Variants in OBSL1 observed in about 807,000 individuals in gnomAD.
The protein encoded by OBSL1 is obscurin-like protein 1.
A neutral mutation model predicts 172.0 loss-of-function variants in OBSL1; 160 were observed. The observed-to-expected ratio is 0.93, with a 90% CI of 0.82 to 1.06. The LOEUF (loss-of-function observed/expected upper bound fraction) is 1.06. Among genes scored for constraint, OBSL1 ranks in the 50% least tolerant of loss-of-function variants. The pLI, the probability that OBSL1 is intolerant of heterozygous loss-of-function variation, is 0.00. For missense variants in OBSL1, 2,681 were observed against 2,715.4 expected (o/e 0.99, Z 0.28); for synonymous variants, 1,200 against 1,196.3 (o/e 1.00, Z -0.06).
intron 5 of OBSL1, among the ~76,000 whole-genome samples, chr2:219,566,096 G>A (rs1226104626): frequency 6.6e-6 from 1 of 152,180 alleles, no homozygotes; most frequent in African/African-American, 2.4e-5. Flanking sequence ...CATTAGCTCC[G>A]TACTTTGAGC....
At chr2:219,551,470 A>G in intron 20 of OBSL1, 59 bp downstream of exon 20, 1 of 1,510,896 alleles carries the variant, frequency 6.6e-7, no homozygotes, top group Non-Finnish European at 8.9e-7. Flanking sequence ...GGTGTGGCTT[A>G]ACCCATCAGC....
Position 219,552,870 on chromosome 2 carries a change from C to T in OBSL1, c.5144G>A (p.Arg1715His), listed in dbSNP as rs977533164. 2 of 1,542,924 alleles carry T rather than the reference C, an allele frequency of 1.3e-6. No homozygotes were observed. The highest frequency in any genetic ancestry group is 1.7e-6 in the Non-Finnish European group (2 of 1,145,360). ...CCTCCACATCACCCCGTACCCACCG[C>T]GCACGGTCAGGCGGACCGGTCCGGC... The part of the protein sequence containing the change: ...ARAGPVRLTV[R>H]ERTVAVLSEL... The change falls in exon 17 of 21, where the codon CGC (arginine) becomes CAC (histidine). Residue 1715 changes from arginine to histidine, a missense_variant and splice_region_variant. Arg to His is a conservative substitution (Grantham distance 29). Around this residue, in one of 5 missense-constraint regions of OBSL1, gnomAD observed 1,765 missense variants for 1,748.3 expected, o/e 1.01. Transcript: ENST00000404537.
At chr2:219,565,568 T>C in intron 5 of OBSL1, 54 bp from the exon 6 acceptor site, 2 of 1,555,500 alleles carry the variant, frequency 1.3e-6, no homozygotes, top group East Asian at 2.3e-5. Context: ...ATGGGCTCAG[T>C]GTCGGATGCA....
chr2:219,558,056 G>T lies in OBSL1; in HGVS notation c.3557C>A (p.Ala1186Asp), dbSNP rs764786051. The stretch of plus-strand genomic sequence containing the variant: ...GCTCAGCACCACTGGCTCCCCAGGG[G>T]CCACACAGAGCGGGCTTGGAGTTGT... The part of the protein sequence containing the change: ...LETTPSPLCV[A>D]PGEPVVLSCE... Residue 1186 changes from alanine to aspartate, a missense_variant, in exon 11 of 21, where the codon GCC becomes GAC. Physicochemically the swap from Ala to Asp is moderately radical, Grantham distance 126 (BLOSUM62 -2). Around this residue, in one of 5 missense-constraint regions of OBSL1, gnomAD observed 1,765 missense variants for 1,748.3 expected, o/e 1.01. Coordinates refer to ENST00000404537, the MANE Select transcript of OBSL1 (RefSeq NM_015311.3). 1 of 1,613,668 alleles carries T rather than the reference G, an allele frequency of 6.2e-7. No individual in the cohort carries two copies.
chr2:219,565,130 G>A, intron 6 of OBSL1, 112 bp downstream of exon 6: 1 of 1,145,060 alleles, frequency 8.7e-7, no homozygotes, highest in Non-Finnish European at 1.2e-6. Context: ...CTGGGCCACT[G>A]GACTCTCCCT....
At chr2:219,549,448 C>G, downstream of OBSL1, 1 of 1,432,536 alleles carries the variant, frequency 7.0e-7, no homozygotes, top group Non-Finnish European at 9.4e-7. Flanking sequence ...TGGTTGCTAT[C>G]TAGAAGGCCT....
At chr2:219,548,958 G>T (rs949276518), downstream of OBSL1, 16 of 615,032 alleles carry the variant, frequency 2.6e-5, no homozygotes, top group Middle Eastern at 2.6e-4. Flanking sequence ...AAGACCTATG[G>T]AAGAAAAGAA....
At chr2:219,550,513 A>G, downstream of OBSL1, 1 of 388,712 alleles carries the variant, frequency 2.6e-6, no homozygotes, top group East Asian at 4.6e-5. Flanking sequence ...GCCAACCTAG[A>G]CACCTCATGC....
At chr2:219,552,509 C>A in intron 18 of OBSL1, 27 bp downstream of exon 18, 1 of 1,582,342 alleles carries the variant, frequency 6.3e-7, no homozygotes. Context: ...CAGCGAGGGG[C>A]CCGAAAGGGT....
intron 5 of OBSL1, 46 bp downstream of exon 5, chr2:219,566,784 T>C (rs1349655180): frequency 6.6e-7 from 1 of 1,509,354 alleles, no homozygotes; most frequent in Non-Finnish European, 8.9e-7. Context: ...ACAGGACTTC[T>C]GTGTCTTGAC....
Position 219,551,809 on chromosome 2 carries a change from G to A in OBSL1, c.5414-11C>T, listed in dbSNP as rs999304355. Reference sequence around the variant, plus strand: ...TCTGGAGAGGCAATGCTGGGGGTAGGGGGCGGGGGCTTAAGTTAATAGGGA... The same window carrying A: ...TCTGGAGAGGCAATGCTGGGGGTAGAGGGCGGGGGCTTAAGTTAATAGGGA... On this transcript the variant is annotated splice_polypyrimidine_tract_variant and intron_variant, in intron 19 of 20. Transcript: ENST00000404537. The A allele has an allele frequency of 8.5e-6, 13 of 1,521,284 alleles. No homozygotes were observed. In the Admixed American group the frequency reaches 8.7e-5, roughly 10 times the overall value. The allele number at this position is 1,521,284 out of a possible 1,614,324, so 94.2% of individuals were successfully genotyped here.
chr2:219,550,767 C>G lies in OBSL1; in HGVS notation c.*68G>C. 1.3e-6 allele frequency: 2 copies of G among 1,569,200 alleles called. No individual in the cohort carries two copies. The highest frequency in any genetic ancestry group is 2.7e-5 in the African/African-American group (2 of 74,204). On this transcript the variant is annotated 3_prime_UTR_variant, in exon 21 of 21. Coordinates refer to ENST00000404537, the MANE Select transcript of OBSL1 (RefSeq NM_015311.3). ...TTTATTGTTCCTTGTCTCTCTACCC[C>G]TGCCCAGGGTAAGGGCAAACGCCTT...
chr2:219,557,551 G>A lies in OBSL1; in HGVS notation c.3858C>T (p.Asp1286=), dbSNP rs772092902. 13 of 1,553,080 alleles carry A rather than the reference G, an allele frequency of 8.4e-6. No homozygotes were observed. Among genetic ancestry groups the A allele is most frequent in the Non-Finnish European group, 6.1e-6 (7 of 1,148,706 alleles). Residue 1286 remains aspartate, a synonymous_variant, in exon 12 of 21, where the codon GAC becomes GAT. Transcript: ENST00000404537. ...CGGAGAGGTGCACCACCAGCTCTAGGTCCCCGCCTGGGGTGCTCCGAACCC... is the reference window on the plus strand; with the variant it reads ...CGGAGAGGTGCACCACCAGCTCTAGATCCCCGCCTGGGGTGCTCCGAACCC... ...QTRVRSTPGG[D]LELVVHLSGP...
intron 6 of OBSL1, among the ~76,000 whole-genome samples, chr2:219,564,936 G>A (rs776795488): frequency 1.1e-4 from 16 of 152,226 alleles, no homozygotes; most frequent in South Asian, 4.2e-4. Flanking sequence ...GCGTGGTGGC[G>A]CGCACCTGTA....
chr2:219,567,158 C>G (rs1442598580), intron 4 of OBSL1, 32 bp from the exon 5 acceptor site: 1 of 1,603,698 alleles, frequency 6.2e-7, no homozygotes, highest in East Asian at 2.2e-5. Context: ...GCTGTCAGAA[C>G]TAGAAGGTGT....
rs368076068 is a variant in OBSL1 at position 219,557,992 on chromosome 2, G to A, written c.3621C>T (p.Ser1207=). ...CCTCCTGCACGGGCCTCCCATTGTG[G>A]CTCCAGACCACGGGGGCGCCAGCCC... The part of the protein sequence containing the change: ...LSRAGAPVVW[S]HNGRPVQEGE... Residue 1207 remains serine, a synonymous_variant, in exon 11 of 21, where the codon AGC becomes AGT. Coordinates refer to ENST00000404537, the MANE Select transcript of OBSL1 (RefSeq NM_015311.3). 1.5e-5 allele frequency: 24 copies of A among 1,611,820 alleles called. No homozygotes were observed. In the African/African-American group the frequency reaches 3.1e-4, roughly 21 times the overall value.
In OBSL1 at chr2:219,557,349, C is replaced by T. The variant is rs144083909; in HGVS notation, c.4060G>A (p.Val1354Met). 353 of 1,497,302 alleles carry T rather than the reference C, an allele frequency of 2.4e-4. No individual in the cohort carries two copies. Among genetic ancestry groups the T allele is most frequent in the African/African-American group, 1.5e-3 (110 of 72,498 alleles). 92.8% of individuals were successfully genotyped at this position (1,497,302 alleles called of 1,614,324 possible). ...PQDSRIFLVSVEEPLLVKLVS... is the reference protein window; with the variant it reads ...PQDSRIFLVSMEEPLLVKLVS... ...GTGAGGGGTACACTGTTACCTTCCACGCTGACAAGGAAGATGCGGCTGTCC... is the reference window on the plus strand; with the variant it reads ...GTGAGGGGTACACTGTTACCTTCCATGCTGACAAGGAAGATGCGGCTGTCC... The change falls in exon 12 of 21, where the codon GTG becomes ATG. Residue 1354 changes from valine to methionine, a missense_variant. This residue lies in a region of OBSL1 where 1,765 missense variants were observed against 1,748.3 expected (regional missense o/e 1.01). Coordinates refer to ENST00000404537, the MANE Select transcript of OBSL1 (RefSeq NM_015311.3).
chr2:219,556,502 T>C lies in OBSL1; in HGVS notation c.4288A>G (p.Thr1430Ala), dbSNP rs545855675. ...GCQLGDAGTV[T>A]LRAGSTATSA... is the part of the protein sequence containing the mutation. ...GTGGCCGTGCTCCCTGCCCGCAAAG[T>C]CACGGTCCCTGCATCCCCCAGTTGG... The change falls in exon 13 of 21, where the codon ACT (threonine) becomes GCT (alanine). Residue 1430 changes from threonine (T) to alanine (A), a missense_variant. Thr to Ala is a moderately conservative substitution (Grantham distance 58). Transcript: ENST00000404537. 1 of 1,613,892 alleles carries C rather than the reference T, an allele frequency of 6.2e-7. No homozygotes were observed. Among genetic ancestry groups the C allele is most frequent in the South Asian group, 1.1e-5 (1 of 91,078 alleles).
intron 7 of OBSL1, 112 bp downstream of exon 7, chr2:219,563,243 G>T (rs907305505): frequency 1.8e-6 from 2 of 1,122,772 alleles, no homozygotes; most frequent in Non-Finnish European, 1.2e-6. Flanking sequence ...ATCTGCCAGG[G>T]GGAGGGCAGT....
Sources: gnomAD v4.1 joint callset for allele counts (sites outside exome capture counted in the v4.1 genomes callset) on GRCh38, gnomAD v4.1.1 for gene constraint, gnomAD v4.1.1 regional missense constraint, MANE v1.5 for transcripts, NCBI Gene and HGNC (gene_info 2026-07-23, HGNC 2026-07-21) for gene names.